DOCK10: variants seen among roughly 807,000 people sequenced by gnomAD.
The protein encoded by DOCK10 is dedicator of cytokinesis 10, also known as dedicator of cytokinesis protein 10.
DOCK10 carries 145 observed loss-of-function variants against 280.1 expected under a neutral mutation model. That is an observed-to-expected ratio of 0.52 (90% CI 0.45 to 0.59). The LOEUF (loss-of-function observed/expected upper bound fraction) is 0.59. Among genes scored for constraint, DOCK10 ranks in the 20% least tolerant of loss-of-function variants. The probability of loss-of-function intolerance (pLI) is 0.00; values close to 1 mark genes in which losing one functional copy is unlikely to be tolerated. For synonymous variants in DOCK10, 915 were observed against 942.2 expected, an observed-to-expected ratio of 0.97 and a Z score of 0.53; for missense variants, 2,368 against 2,651.7, an observed-to-expected ratio of 0.89 and a Z score of 2.35.
chr2:224,783,879 C>A (rs1359375715), intron 50 of DOCK10, among the ~76,000 whole-genome samples: 1 of 152,100 alleles, frequency 6.6e-6, no homozygotes, highest in Non-Finnish European at 1.5e-5. Flanking sequence ...ACTGGTCAGA[C>A]AAGTAGGGCT....
At chr2:224,884,795 T>C (rs953099979) in intron 7 of DOCK10, among the ~76,000 whole-genome samples, 12 of 152,216 alleles carry the variant, frequency 7.9e-5, no homozygotes, top group Non-Finnish European at 1.5e-4. Flanking sequence ...TACTCTATCA[T>C]TATTACTTAA....
intron 55 of DOCK10, 134 bp from the exon 56 acceptor site, chr2:224,765,971 T>A: frequency 3.3e-6 from 2 of 597,066 alleles, no homozygotes; most frequent in South Asian, 7.2e-5. Flanking sequence ...AAGACACATA[T>A]TAAAGTGGAT....
intron 7 of DOCK10, among the ~76,000 whole-genome samples, chr2:224,876,763 A>G (rs938460252): frequency 6.6e-6 from 1 of 152,114 alleles, no homozygotes; most frequent in African/African-American, 2.4e-5. Flanking sequence ...AGCACACTCT[A>G]TTCTGAGTGT....
chr2:224,931,368 A>G (rs1702363412), intron 2 of DOCK10, among the ~76,000 whole-genome samples, 181 bp downstream of exon 2: 1 of 152,152 alleles, frequency 6.6e-6, no homozygotes, highest in Non-Finnish European at 1.5e-5. Flanking sequence ...CTCAGCCTCC[A>G]ATCTTTCAAC....
chr2:224,866,913 C>T (rs1697945926), intron 11 of DOCK10, among the ~76,000 whole-genome samples: 1 of 151,988 alleles, frequency 6.6e-6, no homozygotes, highest in South Asian at 2.1e-4. Flanking sequence ...TAGGATGTTC[C>T]AGGCTTATCC....
At chr2:225,031,415 T>C (rs1028085762) in intron 1 of DOCK10, among the ~76,000 whole-genome samples, 2 of 152,198 alleles carry the variant, frequency 1.3e-5, no homozygotes, top group Non-Finnish European at 2.9e-5. Flanking sequence ...AAATGGCCTA[T>C]ACCTTGGTAT....
At chr2:224,831,508 G>C (rs956800816) in intron 26 of DOCK10, among the ~76,000 whole-genome samples, 1 of 151,082 alleles carries the variant, frequency 6.6e-6, no homozygotes, top group Non-Finnish European at 1.5e-5. Context: ...GAGGGGCCTG[G>C]TGCGCATGTG....
Position 224,805,042 on chromosome 2 carries a change from C to A in DOCK10, c.4118+16G>T. The stretch of plus-strand genomic sequence containing the variant: ...TTTCCAGAAAAAAGTGTTAAGTCAT[C>A]AACTCTAAAACTTACTCCAAGATGC... On this transcript the variant is annotated intron_variant, in intron 37 of 55. Coordinates refer to ENST00000258390, the MANE Select transcript of DOCK10 (RefSeq NM_014689.3). This position sits in a 1 kb window ranked among gnomAD's most constrained non-coding sequence, Gnocchi z 4.3. 1 of 1,591,426 alleles carries A rather than the reference C, an allele frequency of 6.3e-7. No individual in the cohort carries two copies. The highest frequency in any genetic ancestry group is 1.2e-5 in the South Asian group (1 of 86,538).
At chr2:224,841,241 TTAAG>T (rs1409937608) in intron 23 of DOCK10, among the ~76,000 whole-genome samples, 1 of 152,188 alleles carries the variant, frequency 6.6e-6, no homozygotes, top group East Asian at 1.9e-4. Context: ...AGAGTGGATA[TTAAG>T]TGTTATAACC....
intron 7 of DOCK10, among the ~76,000 whole-genome samples, chr2:224,884,177 A>AT (rs1226987254): frequency 1.1e-4 from 17 of 152,248 alleles, no homozygotes; most frequent in Admixed American, 8.5e-4. Context: ...GAAACAGTTA[A>AT]TTTTTTCCTT....
chr2:224,865,183 T>A (rs1697824307), intron 11 of DOCK10, 96 bp from the exon 12 acceptor site: 1 of 1,211,562 alleles, frequency 8.3e-7, no homozygotes, highest in Non-Finnish European at 1.2e-6. Context: ...GTAGATAAAA[T>A]ACATGCAGCA....
chr2:225,021,935 T>C (rs1395843248), intron 1 of DOCK10, among the ~76,000 whole-genome samples: 1 of 152,254 alleles, frequency 6.6e-6, no homozygotes, highest in African/African-American at 2.4e-5. Flanking sequence ...TAAGTTGTTC[T>C]GTAAGGTGAT....
chr2:224,914,845 C>A (rs186718862), intron 3 of DOCK10, among the ~76,000 whole-genome samples: 1 of 152,032 alleles, frequency 6.6e-6, no homozygotes, highest in African/African-American at 2.4e-5. Flanking sequence ...TACTTGTTTA[C>A]GCCTACACAC....
At chr2:224,772,999 T>C (rs1054855658) in intron 53 of DOCK10, among the ~76,000 whole-genome samples, 158 bp downstream of exon 53, 3 of 152,186 alleles carry the variant, frequency 2.0e-5, no homozygotes, top group African/African-American at 7.2e-5. Flanking sequence ...TTAATGCACA[T>C]TGACAACTAG....
At chr2:224,778,062 T>C in intron 51 of DOCK10, 76 bp downstream of exon 51, 1 of 1,422,734 alleles carries the variant, frequency 7.0e-7, no homozygotes, top group East Asian at 2.3e-5. Flanking sequence ...AGGCAGAAAA[T>C]GAAAACTTAA....
intron 4 of DOCK10, among the ~76,000 whole-genome samples, chr2:224,894,384 C>T (rs1471097113): frequency 6.6e-6 from 1 of 152,066 alleles, no homozygotes; most frequent in Non-Finnish European, 1.5e-5. Flanking sequence ...GTGTAATGGA[C>T]CTAAAGATGG....
chr2:224,848,947 T>C (rs1696541756), intron 19 of DOCK10, among the ~76,000 whole-genome samples: 1 of 152,350 alleles, frequency 6.6e-6, no homozygotes, highest in South Asian at 2.1e-4. Flanking sequence ...ATCCCAGCAC[T>C]AAAAGCATCT....
chr2:224,856,422 C>A (rs1043425298), intron 15 of DOCK10, among the ~76,000 whole-genome samples: 20 of 152,112 alleles, frequency 1.3e-4, no homozygotes, highest in African/African-American at 4.3e-4. Flanking sequence ...CCTTAGGAAG[C>A]CTATGGTATG....
At chr2:224,932,976 A>T (rs1372788235) in intron 1 of DOCK10, among the ~76,000 whole-genome samples, 1 of 152,248 alleles carries the variant, frequency 6.6e-6, no homozygotes, top group Non-Finnish European at 1.5e-5. Context: ...TACATTAGAA[A>T]AAAAAACCCA....
Sources: allele counts gnomAD v4.1 joint callset (sites outside exome capture counted in the v4.1 genomes callset), GRCh38; gene constraint gnomAD v4.1.1; non-coding constraint Gnocchi (gnomAD v3.1); transcripts MANE v1.5; gene names NCBI Gene and HGNC (gene_info 2026-07-23, HGNC 2026-07-21).